FGF12: variants seen among roughly 807,000 people sequenced by gnomAD.
The protein encoded by FGF12 is fibroblast growth factor 12.
A neutral mutation model predicts 23.6 loss-of-function variants in FGF12; 14 were observed. The observed-to-expected ratio is 0.59, with a 90% confidence interval of 0.39 to 0.93. The LOEUF (loss-of-function observed/expected upper bound fraction) is 0.93. Among genes scored for constraint, FGF12 ranks in the 40% least tolerant of loss-of-function variants. FGF12 has a pLI of 0.00. For synonymous variants in FGF12, 62 were observed against 77.3 expected (o/e 0.80, Z 1.04); for missense variants, 175 against 217.8 (o/e 0.80, Z 1.24).
chr3:192,430,867 T>C (rs1008459788), intron 2 of FGF12, among the ~76,000 whole-genome samples: 2 of 152,192 alleles, frequency 1.3e-5, no homozygotes, highest in African/African-American at 4.8e-5. Flanking sequence ...AACCAGTGTA[T>C]TGGGAGCATA....
At chr3:192,703,283 A>G (rs1406468490) in intron 2 of FGF12, among the ~76,000 whole-genome samples, 2 of 152,260 alleles carry the variant, frequency 1.3e-5, no homozygotes, top group African/African-American at 2.4e-5. Flanking sequence ...TTATATTTAC[A>G]TGATACTACA....
intron 2 of FGF12, among the ~76,000 whole-genome samples, chr3:192,662,794 G>C (rs760975804): frequency 1.1e-4 from 17 of 152,130 alleles, no homozygotes; most frequent in Non-Finnish European, 2.2e-4. Context: ...TTGATTACCA[G>C]AAGGAATAGA....
chr3:192,404,300 G>C (rs944377967), intron 2 of FGF12, among the ~76,000 whole-genome samples: 1 of 152,166 alleles, frequency 6.6e-6, no homozygotes, highest in African/African-American at 2.4e-5. Flanking sequence ...TTTGAAAAAT[G>C]AAAGAGTAAT....
rs189176399 is a variant in FGF12 at position 192,337,343 on chromosome 3, G to A, written c.125-1879C>T. On this transcript the variant is annotated intron_variant, in intron 3 of 5. Transcript: ENST00000445105. ...GCGGAAGTTGAGAAAGCCAAGAACA[G>A]AAAACATTTTAGTGAGGTGGAAGTT... Among the ~76,000 whole-genome samples the A allele has an allele frequency of 3.6e-3, 554 of 152,226 alleles. 2 individuals carry two copies. The highest frequency in any genetic ancestry group is 0.017 in the Middle Eastern group (5 of 294).
chr3:192,576,767 T>G (rs184023644), intron 2 of FGF12, among the ~76,000 whole-genome samples: 53 of 152,274 alleles, frequency 3.5e-4, no homozygotes, highest in African/African-American at 9.9e-4. Flanking sequence ...TCATGTTTAT[T>G]GCGGCACTAT....
intron 2 of FGF12, among the ~76,000 whole-genome samples, chr3:192,578,758 G>A (rs550518616): frequency 5.9e-5 from 9 of 152,268 alleles, no homozygotes; most frequent in South Asian, 4.1e-4. Flanking sequence ...CAGTTAATGA[G>A]AAAATAAGAA....
At chr3:192,604,258 A>C (rs1296767888) in intron 2 of FGF12, among the ~76,000 whole-genome samples, 1 of 152,194 alleles carries the variant, frequency 6.6e-6, no homozygotes, top group Non-Finnish European at 1.5e-5. Flanking sequence ...CATGTTTTAC[A>C]ATCAATTTGT....
intron 2 of FGF12, among the ~76,000 whole-genome samples, chr3:192,652,480 G>C (rs901375828): frequency 9.2e-5 from 14 of 152,186 alleles, no homozygotes; most frequent in Non-Finnish European, 1.6e-4. Flanking sequence ...AGGCAGCAAA[G>C]TAAAATATCC....
chr3:192,665,314 T>C (rs1016003807), intron 2 of FGF12, among the ~76,000 whole-genome samples: 18 of 152,098 alleles, frequency 1.2e-4, no homozygotes, highest in Admixed American at 9.2e-4. Flanking sequence ...GAAATGAAGA[T>C]TGAACTACAG....
chr3:192,192,446 A>T (rs1716841294), intron 4 of FGF12, among the ~76,000 whole-genome samples: 1 of 147,984 alleles, frequency 6.8e-6, no homozygotes, highest in South Asian at 2.1e-4. Context: ...TATATGATAA[A>T]TATATAATTA....
chr3:192,347,213 A>C (rs1718005924), intron 3 of FGF12, among the ~76,000 whole-genome samples: 1 of 152,166 alleles, frequency 6.6e-6, no homozygotes, highest in Non-Finnish European at 1.5e-5. Context: ...TAGTTCTAGC[A>C]AGCTCACATG....
intron 2 of FGF12, among the ~76,000 whole-genome samples, chr3:192,405,818 G>C (rs1720935689): frequency 6.6e-6 from 1 of 152,142 alleles, no homozygotes; most frequent in East Asian, 1.9e-4. Flanking sequence ...TAATTATTTG[G>C]CTTTGTTAGT....
chr3:192,237,455 C>G lies in FGF12; in HGVS notation c.229-66799G>C, dbSNP rs139195254. 1.0e-3 allele frequency among the ~76,000 whole-genome samples: 159 copies of G among 152,312 alleles called. 1 individual carries two copies. Among genetic ancestry groups the G allele is most frequent in the African/African-American group, 3.8e-3 (157 of 41,570 alleles). ...TCCAAGTTGCTTGTTCTCTTTCCAT[C>G]TCTTTCAGGAATGACAACGAGTTAC... On this transcript the variant is annotated intron_variant, in intron 4 of 5. Transcript: ENST00000445105.
chr3:192,335,241 G>C, intron 4 of FGF12, 120 bp downstream of exon 4: 1 of 668,714 alleles, frequency 1.5e-6, no homozygotes, highest in Non-Finnish European at 2.6e-6. Flanking sequence ...CGAAAAACAG[G>C]ATCACAAAAT....
intron 2 of FGF12, among the ~76,000 whole-genome samples, chr3:192,671,194 T>C (rs1433614644): frequency 6.6e-6 from 1 of 152,248 alleles, no homozygotes; most frequent in African/African-American, 2.4e-5. Context: ...TAGATTATCC[T>C]GCAGAGCTTT....
intron 2 of FGF12, among the ~76,000 whole-genome samples, chr3:192,667,558 C>T (rs942795266): frequency 1.3e-4 from 19 of 143,088 alleles, no homozygotes; most frequent in Non-Finnish European, 2.4e-4. Flanking sequence ...TGCACTGAGC[C>T]GAGATCGCTG....
At chr3:192,628,650 T>C (rs966478651) in intron 2 of FGF12, among the ~76,000 whole-genome samples, 1 of 150,174 alleles carries the variant, frequency 6.7e-6, no homozygotes, top group African/African-American at 2.4e-5. Flanking sequence ...AGATTTAATG[T>C]ATATATAGCA....
intron 2 of FGF12, among the ~76,000 whole-genome samples, chr3:192,695,281 A>G (rs534833201): frequency 7.2e-5 from 11 of 152,296 alleles, no homozygotes; most frequent in Admixed American, 2.0e-4. Context: ...CACCTTGCCC[A>G]TGACTTTCTC....
intron 4 of FGF12, among the ~76,000 whole-genome samples, chr3:192,296,234 T>A (rs1007419972): frequency 1.5e-4 from 22 of 150,970 alleles, no homozygotes; most frequent in African/African-American, 4.9e-4. Context: ...TTTTATTTTT[T>A]TTTTTTTGAG....
Sources: allele counts gnomAD v4.1 joint callset (sites outside exome capture counted in the v4.1 genomes callset), GRCh38; gene constraint gnomAD v4.1.1; transcripts MANE v1.5; gene names NCBI Gene and HGNC (gene_info 2026-07-23, HGNC 2026-07-21).